PIAS2: variants seen among roughly 807,000 people sequenced by gnomAD.
The protein encoded by PIAS2 is E3 SUMO-protein ligase PIAS2.
PIAS2 carries 19 observed loss-of-function variants against 69.7 expected under a neutral mutation model. The observed-to-expected ratio is 0.27, with a 90% CI of 0.19 to 0.40. The LOEUF is 0.40. Ranked by LOEUF, PIAS2 falls within the 10% of genes least tolerant of loss-of-function variation. PIAS2 has a pLI of 1.00. For synonymous variants in PIAS2, 261 were observed against 263.2 expected (o/e 0.99, Z 0.08); for missense variants, 624 against 757.0 (o/e 0.82, Z 2.06).
intron 1 of PIAS2, among the ~76,000 whole-genome samples, chr18:46,898,161 A>ATTT (rs879452559): frequency 6.8e-6 from 1 of 146,926 alleles, no homozygotes; most frequent in Non-Finnish European, 1.5e-5. Context: ...AGGCAATATA[A>ATTT]TTTTTTTTTT....
At chr18:46,864,119 A>G in intron 3 of PIAS2, 45 bp downstream of exon 3, 1 of 1,149,132 alleles carries the variant, frequency 8.7e-7, no homozygotes, top group Non-Finnish European at 1.3e-6. Context: ...CTACAGGTGA[A>G]TAAACCAATA....
chr18:46,917,571 ACCCGCGCGACCGCCTTCCG>A (rs1328391127), upstream of PIAS2: 2 of 1,082,344 alleles, frequency 1.8e-6, no homozygotes, highest in African/African-American at 1.7e-5. Context: ...CCCCCTGCCC[ACCCGCGCGACCGCCTTCCG>A]CCCGCGCCTT....
chr18:46,876,346 C>T (rs1318609944), intron 2 of PIAS2, among the ~76,000 whole-genome samples: 1 of 152,116 alleles, frequency 6.6e-6, no homozygotes, highest in Non-Finnish European at 1.5e-5. Flanking sequence ...TCAGATAGTG[C>T]AGGGTTTGAG....
rs1405215893 is a variant in PIAS2, at chr18:46,860,068, G to A, written c.584+4096C>T. On this transcript the variant is annotated intron_variant, in intron 3 of 13. Coordinates refer to ENST00000585916, the MANE Select transcript of PIAS2 (RefSeq NM_004671.5). ...AACCTGGACAAGAATGTATTCAAGC[G>A]TCTAGTCTAGATCTTACTACCACTA... is the stretch of plus-strand genomic sequence containing the variant. 5.3e-5 allele frequency among the ~76,000 whole-genome samples: 8 copies of A among 152,204 alleles called. No individual in the cohort carries two copies. The East Asian group carries it at 5.8e-4, about 11-fold the overall frequency.
intron 3 of PIAS2, among the ~76,000 whole-genome samples, chr18:46,861,643 C>T (rs576188176): frequency 3.9e-5 from 6 of 152,274 alleles, no homozygotes; most frequent in African/African-American, 9.6e-5. Context: ...GCCAAAAATG[C>T]ACAACCTCCA....
At chr18:46,831,176 T>C (rs2043560994) in intron 9 of PIAS2, among the ~76,000 whole-genome samples, 1 of 152,162 alleles carries the variant, frequency 6.6e-6, no homozygotes, top group Non-Finnish European at 1.5e-5. Flanking sequence ...ATAAAGCTAC[T>C]AGAACTACTA....
chr18:46,859,427 C>CAAAAAAAAA (rs55776913), intron 3 of PIAS2, among the ~76,000 whole-genome samples: 26 of 89,562 alleles, frequency 2.9e-4, no homozygotes, highest in African/African-American at 7.6e-4. Flanking sequence ...GACTCCGTCT[C>CAAAAAAAAA]AAAAAAAAAA....
chr18:46,919,951 G>T, upstream of PIAS2: 1 of 665,546 alleles, frequency 1.5e-6, no homozygotes, highest in Non-Finnish European at 2.4e-6. Context: ...GGGAATAGAC[G>T]AATAGAGTAC....
intron 12 of PIAS2, chr18:46,816,803 C>T (rs762008999): frequency 2.4e-5 from 24 of 984,786 alleles, no homozygotes; most frequent in Non-Finnish European, 2.9e-5. Flanking sequence ...CTGTCACTAG[C>T]TATATGACAC....
intron 1 of PIAS2, among the ~76,000 whole-genome samples, chr18:46,914,449 T>C (rs796243013): frequency 2.0e-5 from 3 of 152,272 alleles, no homozygotes; most frequent in African/African-American, 7.2e-5. Flanking sequence ...AGAGCTGCCA[T>C]ATTCTGCTAT....
intron 3 of PIAS2, among the ~76,000 whole-genome samples, chr18:46,859,685 G>A (rs1311444546): frequency 6.6e-6 from 1 of 152,250 alleles, no homozygotes; most frequent in South Asian, 2.1e-4. Context: ...CTAAATGAAT[G>A]AATAAAAGAA....
chr18:46,879,844 C>T (rs1568688266), intron 2 of PIAS2, among the ~76,000 whole-genome samples: 2 of 152,124 alleles, frequency 1.3e-5, no homozygotes, highest in South Asian at 4.2e-4. Context: ...AATAATAAGA[C>T]ATATAAGTAT....
At chr18:46,847,247 G>A (rs1460318645) in intron 5 of PIAS2, among the ~76,000 whole-genome samples, 2 of 152,048 alleles carry the variant, frequency 1.3e-5, no homozygotes, top group African/African-American at 2.4e-5. Context: ...AAACCAAACT[G>A]GGAAGTGAGG....
At chr18:46,896,828 A>C (rs1306699788) in intron 1 of PIAS2, among the ~76,000 whole-genome samples, 1 of 152,254 alleles carries the variant, frequency 6.6e-6, no homozygotes, top group African/African-American at 2.4e-5. Context: ...AATACAGTGT[A>C]ATCTACCAAT....
chr18:46,893,557 T>G (rs757302668), intron 1 of PIAS2: 17 of 470,110 alleles, frequency 3.6e-5, no homozygotes, highest in Non-Finnish European at 4.2e-5. Context: ...AAACAAAAAG[T>G]AAGAAAGAGA....
At position 46,812,279 on chromosome 18, in the gene PIAS2, T is replaced by G; in HGVS notation, c.*154A>C. The G allele has an allele frequency of 1.8e-6, 1 of 561,818 alleles. No individual in the cohort carries two copies. The highest frequency in any genetic ancestry group is 3.2e-6 in the Non-Finnish European group (1 of 317,204). 34.8% of individuals were successfully genotyped at this position (561,818 alleles called of 1,614,324 possible). ...ATGTCATTTGGTTCTTGTTGCAGTC[T>G]TCTGTGTTCACCCCTCAGAAAGCAA... On this transcript the variant is annotated 3_prime_UTR_variant, in exon 14 of 14. Transcript: ENST00000585916.
chr18:46,869,330 C>T (rs2049973697), intron 2 of PIAS2, among the ~76,000 whole-genome samples: 2 of 152,082 alleles, frequency 1.3e-5, no homozygotes. Context: ...CTCAGCAAAC[C>T]TCTAGAGAAG....
chr18:46,909,938 G>A (rs766316349), intron 1 of PIAS2, among the ~76,000 whole-genome samples: 8 of 152,100 alleles, frequency 5.3e-5, no homozygotes, highest in South Asian at 2.1e-4. Context: ...AGGCCAAGGC[G>A]GGTGGATCAC....
intron 2 of PIAS2, among the ~76,000 whole-genome samples, chr18:46,877,637 G>C (rs2051450181): frequency 6.6e-6 from 1 of 152,100 alleles, no homozygotes; most frequent in African/African-American, 2.4e-5. Context: ...ATTTTAAACA[G>C]TAGCCAGTTG....
Sources: gnomAD v4.1 joint callset for allele counts (sites outside exome capture counted in the v4.1 genomes callset) on GRCh38, gnomAD v4.1.1 for gene constraint, MANE v1.5 for transcripts, NCBI Gene and HGNC (gene_info 2026-07-23, HGNC 2026-07-21) for gene names.